DAB1: variants seen among roughly 807,000 people sequenced by gnomAD.
The protein encoded by DAB1 is disabled homolog 1.
In DAB1, 15 loss-of-function variants were observed where a neutral mutation model predicts 64.6. That is an observed-to-expected ratio of 0.23 (90% CI 0.16 to 0.36). DAB1 has a LOEUF of 0.36. DAB1 is among the 10% of genes least tolerant of loss of function. The pLI, the probability that DAB1 is intolerant of heterozygous loss-of-function variation, is 1.00. For synonymous variants in DAB1, 235 were observed against 251.9 expected, an observed-to-expected ratio of 0.93 and a Z score of 0.64; for missense variants, 596 against 706.7, an observed-to-expected ratio of 0.84 and a Z score of 1.78.
At chr1:58,503,393 A>C (rs1426321336) in intron 3 of DAB1, among the ~76,000 whole-genome samples, 3 of 152,166 alleles carry the variant, frequency 2.0e-5, no homozygotes, top group Non-Finnish European at 4.4e-5. Flanking sequence ...AGGAATAATT[A>C]CTACATATTA....
intron 7 of DAB1, among the ~76,000 whole-genome samples, chr1:57,487,214 T>C (rs1285504534): frequency 6.6e-6 from 1 of 152,224 alleles, no homozygotes; most frequent in Non-Finnish European, 1.5e-5. Context: ...TTCCTCTTAA[T>C]TCTTCTCTGA....
chr1:57,787,249 A>G (rs1268115308), intron 6 of DAB1, among the ~76,000 whole-genome samples: 2 of 152,174 alleles, frequency 1.3e-5, no homozygotes, highest in African/African-American at 2.4e-5. Flanking sequence ...GAGTTAGAGT[A>G]TTTGATTTCA....
intron 4 of DAB1, among the ~76,000 whole-genome samples, chr1:58,303,213 G>A (rs201853460): frequency 2.6e-5 from 4 of 152,154 alleles, no homozygotes; most frequent in South Asian, 4.2e-4. Flanking sequence ...CAGCTGGAAG[G>A]TCCCTGATCC....
At chr1:57,288,060 T>C (rs1479884033) in intron 2 of DAB1, among the ~76,000 whole-genome samples, 2 of 152,126 alleles carry the variant, frequency 1.3e-5, no homozygotes, top group Non-Finnish European at 2.9e-5. Flanking sequence ...CCTCCGAAAG[T>C]GCAGGGATTA....
chr1:57,313,902 G>A (rs1674957594), intron 1 of DAB1, among the ~76,000 whole-genome samples: 1 of 152,142 alleles, frequency 6.6e-6, no homozygotes, highest in African/African-American at 2.4e-5. Flanking sequence ...ACCGTGTGAA[G>A]TTACAGTGAG....
upstream of DAB1, among the ~76,000 whole-genome samples, chr1:57,424,949 G>A (rs1474483597): frequency 6.6e-6 from 1 of 152,172 alleles, no homozygotes; most frequent in Non-Finnish European, 1.5e-5. Context: ...GAAGCTGTGC[G>A]GGAGGCGGCT....
intron 5 of DAB1, among the ~76,000 whole-genome samples, chr1:58,125,450 T>G (rs1356848725): frequency 1.3e-5 from 2 of 151,742 alleles, no homozygotes; most frequent in Admixed American, 6.6e-5. Flanking sequence ...ACTTTTTTTT[T>G]TTTTTTTCGA....
intron 5 of DAB1, among the ~76,000 whole-genome samples, chr1:58,100,717 C>T (rs187157403): frequency 2.0e-5 from 3 of 152,290 alleles, no homozygotes; most frequent in Admixed American, 1.3e-4. Flanking sequence ...TATTGAATAT[C>T]ACCATTCACT....
At chr1:58,006,411 T>C (rs1329331093) in intron 5 of DAB1, among the ~76,000 whole-genome samples, 1 of 152,158 alleles carries the variant, frequency 6.6e-6, no homozygotes, top group Non-Finnish European at 1.5e-5. Context: ...ACTCAATAGC[T>C]GCAAACTCTT....
At chr1:57,784,849 G>C (rs1443578580) in intron 6 of DAB1, among the ~76,000 whole-genome samples, 1 of 152,150 alleles carries the variant, frequency 6.6e-6, no homozygotes, top group African/African-American at 2.4e-5. Context: ...TGATGAAAGT[G>C]GCTACACTAA....
chr1:57,191,193 G>A (rs1664090473), intron 2 of DAB1, among the ~76,000 whole-genome samples: 1 of 152,108 alleles, frequency 6.6e-6, no homozygotes, highest in African/African-American at 2.4e-5. Flanking sequence ...CTTCATTAGG[G>A]ACTTCATCCT....
At chr1:57,109,191 C>T (rs950614063) in intron 4 of DAB1, among the ~76,000 whole-genome samples, 1 of 152,140 alleles carries the variant, frequency 6.6e-6, no homozygotes, top group Non-Finnish European at 1.5e-5. Flanking sequence ...CCAGCAAGCC[C>T]CAGACCTCTC....
intron 7 of DAB1, among the ~76,000 whole-genome samples, chr1:57,504,818 TG>T (rs1313697980): frequency 6.6e-6 from 1 of 152,232 alleles, no homozygotes; most frequent in Non-Finnish European, 1.5e-5. Context: ...TTTGCTTTTG[TG>T]GTCTTATTTC....
In DAB1 at chr1:57,847,038, A is replaced by G. The variant is rs528973964; in HGVS notation, n.88-20583T>C. Among the ~76,000 whole-genome samples the G allele has an allele frequency of 2.3e-3, 349 of 152,326 alleles. 2 individuals carry two copies. The highest frequency in any genetic ancestry group is 7.4e-3 in the African/African-American group (308 of 41,566). ...TAAGCAGACTGGGACCCACTTGTGA[A>G]GCACAGAAATATGATGCAGAGCTGC... On this transcript the variant is annotated intron_variant and non_coding_transcript_variant, in intron 1 of 1. Transcript: ENST00000477280.
intron 6 of DAB1, among the ~76,000 whole-genome samples, chr1:57,701,008 C>T (rs953669087): frequency 2.6e-5 from 4 of 152,040 alleles, no homozygotes. Context: ...AATGAGATAC[C>T]ATCTCACACC....
chr1:57,711,291 G>A (rs1188851606), intron 6 of DAB1, among the ~76,000 whole-genome samples: 1 of 152,258 alleles, frequency 6.6e-6, no homozygotes, highest in African/African-American at 2.4e-5. Flanking sequence ...AGTGAGGCTA[G>A]AAGCAAGATA....
intron 1 of DAB1, among the ~76,000 whole-genome samples, chr1:57,334,572 T>C (rs1254469778): frequency 6.6e-6 from 1 of 152,222 alleles, no homozygotes; most frequent in East Asian, 1.9e-4. Context: ...ACTTTACAAA[T>C]ATAAATTGAT....
chr1:58,114,018 G>T (rs960641134), intron 5 of DAB1, among the ~76,000 whole-genome samples: 2 of 151,676 alleles, frequency 1.3e-5, no homozygotes, highest in Non-Finnish European at 2.9e-5. Flanking sequence ...AGGTCCAGGT[G>T]GGCGGATTAC....
chr1:58,512,273 G>A (rs1361039625), intron 2 of DAB1, among the ~76,000 whole-genome samples: 1 of 152,162 alleles, frequency 6.6e-6, no homozygotes, highest in East Asian at 1.9e-4. Flanking sequence ...AGGATGTGAA[G>A]AAACTGGAAC....
Sources: gnomAD v4.1 joint callset for allele counts (sites outside exome capture counted in the v4.1 genomes callset) on GRCh38, gnomAD v4.1.1 for gene constraint, MANE v1.5 for transcripts, NCBI Gene and HGNC (gene_info 2026-07-23, HGNC 2026-07-21) for gene names.